Variants in TNFAIP1 observed in about 807,000 individuals in gnomAD.
TNFAIP1 encodes BTB/POZ domain-containing adapter for CUL3-mediated RhoA degradation protein 2.
A neutral mutation model predicts 32.6 loss-of-function variants in TNFAIP1; 20 were observed. The observed-to-expected ratio is 0.61, with a 90% confidence interval of 0.43 to 0.89. The LOEUF is 0.89. Ranked by LOEUF, TNFAIP1 falls within the 40% of genes least tolerant of loss-of-function variation. TNFAIP1 has a pLI of 0.00. For missense variants in TNFAIP1, 319 were observed against 425.1 expected, an observed-to-expected ratio of 0.75 and a Z score of 2.20; for synonymous variants, 166 against 166.8, an observed-to-expected ratio of 1.00 and a Z score of 0.04.
At chr17:28,339,065 T>A (rs1555577735) in intron 1 of TNFAIP1, among the ~76,000 whole-genome samples, 2 of 136,112 alleles carry the variant, frequency 1.5e-5, no homozygotes, top group African/African-American at 2.8e-5. Flanking sequence ...ACCCTGTCTC[T>A]ACCAAAAAAA....
Position 28,342,461 on chromosome 17 carries a change from G to C in TNFAIP1, c.714+19G>C, listed in dbSNP as rs1555578332. 6.4e-7 allele frequency: 1 copy of C among 1,567,376 alleles called. No homozygotes were observed. Among genetic ancestry groups the C allele is most frequent in the Non-Finnish European group, 8.7e-7 (1 of 1,143,808 alleles). On this transcript the variant is annotated intron_variant, in intron 6 of 6. Coordinates refer to ENST00000226225, the MANE Select transcript of TNFAIP1 (RefSeq NM_021137.5). The surrounding 1 kb of genome is among the most constrained non-coding windows in gnomAD (Gnocchi z 4.0). ...GACCAAGGTGTGGGGGATTGCCCCTGCCTGGGTAGGGGAGGACACACACCC... is the reference window on the plus strand; with the variant it reads ...GACCAAGGTGTGGGGGATTGCCCCTCCCTGGGTAGGGGAGGACACACACCC...
rs202020727 is a variant in TNFAIP1 at position 28,340,504 on chromosome 17, G to T, written c.375+26G>T. ...GTACATGGGTGGGGCGGAGCAGGGCGGGCAGATGAGGTCAGGAGTTGCCCC... is the reference window on the plus strand; with the variant it reads ...GTACATGGGTGGGGCGGAGCAGGGCTGGCAGATGAGGTCAGGAGTTGCCCC... On this transcript the variant is annotated intron_variant, in intron 3 of 6. Transcript: ENST00000226225. The surrounding 1 kb of genome is among the most constrained non-coding windows in gnomAD (Gnocchi z 4.1). 1 of 1,610,904 alleles carries T rather than the reference G, an allele frequency of 6.2e-7. No individual in the cohort carries two copies. The highest frequency in any genetic ancestry group is 8.5e-7 in the Non-Finnish European group (1 of 1,178,142).
Position 28,344,504 on chromosome 17 carries a change from C to CAAA in TNFAIP1, c.855_856insAAA (p.Thr285_Phe286insLys). The CAAA allele has an allele frequency of 6.2e-7, 1 of 1,614,012 alleles. No homozygotes were observed. Among genetic ancestry groups the CAAA allele is most frequent in the Non-Finnish European group, 8.5e-7 (1 of 1,180,040 alleles). ...CTTCCCCCAGTGAAGATGAGGAGAC[C>CAAA]TTTGAACTGCGGGACCGTGTCCGCC... On this transcript the variant is annotated inframe_insertion, in exon 7 of 7. Transcript: ENST00000226225.
Position 28,341,291 on chromosome 17 carries a change from A to G in TNFAIP1, c.430A>G (p.Lys144Glu), listed in dbSNP as rs782288971. The change falls in exon 4 of 7, where the codon AAG becomes GAG. Residue 144 changes from lysine (K) to glutamate (E), a missense_variant. By Grantham distance (56) the Lys-to-Glu change is moderately conservative. Transcript: ENST00000226225. ...CAACATCCCCATCATCACATCCCTA[A>G]AGGAGGAGGAGCGGCTCATCGAATC... The part of the protein sequence containing the change: ...VCNIPIITSL[K>E]EEERLIESST... 4 of 1,614,114 alleles carry G rather than the reference A, an allele frequency of 2.5e-6. No homozygotes were observed. Among genetic ancestry groups the G allele is most frequent in the East Asian group, 2.2e-5 (1 of 44,866 alleles).
chr17:28,337,099 C>T (rs1907199723), intron 1 of TNFAIP1, among the ~76,000 whole-genome samples: 1 of 152,188 alleles, frequency 6.6e-6, no homozygotes, highest in Non-Finnish European at 1.5e-5. Context: ...GTGGTCCAGG[C>T]TGCCATCATC....
intron 5 of TNFAIP1, among the ~76,000 whole-genome samples, chr17:28,341,984 C>T (rs1555578224): frequency 1.3e-5 from 2 of 152,228 alleles, no homozygotes; most frequent in Non-Finnish European, 2.9e-5. Context: ...GCCTTGTCTC[C>T]TTCCTTCCAG....
At chr17:28,337,087 A>G (rs534553588) in intron 1 of TNFAIP1, among the ~76,000 whole-genome samples, 6 of 152,216 alleles carry the variant, frequency 3.9e-5, no homozygotes, top group East Asian at 1.9e-4. Context: ...ATTATTACCA[A>G]TGTGGTCCAG....
At position 28,345,222 on chromosome 17, in the gene TNFAIP1, C is replaced by T. The variant is rs893207232; in HGVS notation, c.*622C>T. 1.8e-4 allele frequency: 28 copies of T among 153,732 alleles called. No homozygotes were observed. Among genetic ancestry groups the T allele is most frequent in the African/African-American group, 5.1e-4 (21 of 41,436 alleles). 9.5% of individuals were successfully genotyped at this position (153,732 alleles called of 1,614,324 possible). A position where few individuals can be genotyped will look rare whatever the true frequency, so the allele number is the denominator to read the frequency against. On this transcript the variant is annotated 3_prime_UTR_variant, in exon 7 of 7. Transcript: ENST00000226225. ...TGTTATTCAGGAGGTTGATAATCTC[C>T]TTGACCCATGTCTTTCTACCCTAAT... is the stretch of plus-strand genomic sequence containing the variant.
intron 1 of TNFAIP1, among the ~76,000 whole-genome samples, chr17:28,337,304 T>C (rs1213456843): frequency 1.3e-5 from 2 of 152,200 alleles, no homozygotes; most frequent in East Asian, 3.9e-4. Context: ...CCACCTTTGT[T>C]ATCATCTAAC....
At chr17:28,343,665 TTG>T (rs1285359677) in intron 6 of TNFAIP1, among the ~76,000 whole-genome samples, 1 of 151,932 alleles carries the variant, frequency 6.6e-6, no homozygotes, top group Non-Finnish European at 1.5e-5. Flanking sequence ...CTTAAGTGTG[TTG>T]TCTTTCATGA....
In TNFAIP1 at chr17:28,344,612, G is replaced by A; in HGVS notation, c.*12G>A. On this transcript the variant is annotated 3_prime_UTR_variant, in exon 7 of 7. Transcript: ENST00000226225. ...CCCATCGCGACTGACCAGACCCTCAGGGAGTCAGGGCACGGGAGGCCCTAT... is the reference window on the plus strand; with the variant it reads ...CCCATCGCGACTGACCAGACCCTCAAGGAGTCAGGGCACGGGAGGCCCTAT... 1 of 1,609,994 alleles carries A rather than the reference G, an allele frequency of 6.2e-7. No homozygotes were observed. Among genetic ancestry groups the A allele is most frequent in the Non-Finnish European group, 8.5e-7 (1 of 1,179,390 alleles).
chr17:28,346,110 G>A lies in TNFAIP1; in HGVS notation c.*1510G>A, dbSNP rs1907549412. The A allele has an allele frequency of 6.6e-6, 1 of 152,262 alleles. No individual in the cohort carries two copies. Among genetic ancestry groups the A allele is most frequent in the Admixed American group, 6.5e-5 (1 of 15,286 alleles). The allele number at this position is 152,262 out of a possible 1,614,324, so 9.4% of individuals were successfully genotyped here. A position where few individuals can be genotyped will look rare whatever the true frequency, so the allele number is the denominator to read the frequency against. Reference sequence around the variant, plus strand: ...CCACAGAGCCTATGGGCAAATGCCAGACCCAGGGTTAGACACAAGGACCTG... The same window carrying A: ...CCACAGAGCCTATGGGCAAATGCCAAACCCAGGGTTAGACACAAGGACCTG... On this transcript the variant is annotated 3_prime_UTR_variant, in exon 7 of 7. Coordinates refer to ENST00000226225, the MANE Select transcript of TNFAIP1 (RefSeq NM_021137.5).
intron 3 of TNFAIP1, among the ~76,000 whole-genome samples, chr17:28,341,035 G>A (rs970283814): frequency 1.1e-4 from 17 of 152,242 alleles, no homozygotes; most frequent in South Asian, 6.2e-4. Flanking sequence ...GTGAGCTACC[G>A]CACCCGGCCT....
chr17:28,337,324 C>T (rs1555577560), intron 1 of TNFAIP1, among the ~76,000 whole-genome samples: 1 of 152,152 alleles, frequency 6.6e-6, no homozygotes, highest in Non-Finnish European at 1.5e-5. Context: ...CGCCTGCCTT[C>T]CCTGACTTGA....
Position 28,344,842 on chromosome 17 carries a change from C to G in TNFAIP1, c.*242C>G. On this transcript the variant is annotated 3_prime_UTR_variant, in exon 7 of 7. Coordinates refer to ENST00000226225, the MANE Select transcript of TNFAIP1 (RefSeq NM_021137.5). Reference sequence around the variant, plus strand: ...GCTCACCATCACCCTTCCTGCCCGACGGAGCTGCTTCTGCTCCCTGGGGCA... The same window carrying G: ...GCTCACCATCACCCTTCCTGCCCGAGGGAGCTGCTTCTGCTCCCTGGGGCA... 1.8e-6 allele frequency: 1 copy of G among 555,748 alleles called. No homozygotes were observed. The highest frequency in any genetic ancestry group is 3.1e-5 in the Admixed American group (1 of 32,428). 34.4% of individuals were successfully genotyped at this position (555,748 alleles called of 1,614,324 possible). A position where few individuals can be genotyped will look rare whatever the true frequency, so the allele number is the denominator to read the frequency against.
intron 5 of TNFAIP1, among the ~76,000 whole-genome samples, chr17:28,341,681 G>A (rs559336945): frequency 1.2e-4 from 18 of 152,356 alleles, no homozygotes; most frequent in African/African-American, 4.1e-4. Flanking sequence ...CGCCCTCAAC[G>A]TGTATCACGA....
At position 28,339,652 on chromosome 17, in the gene TNFAIP1, G is replaced by A. The variant is rs369478186; in HGVS notation, c.131G>A (p.Arg44Gln). ...VGGSLYYTTV[R>Q]ALTRHDTMLK... ...GGCTCTCTGTACTACACCACTGTGC[G>A]GGCCCTGACCCGCCACGACACCATG... Residue 44 changes from arginine (R) to glutamine (Q), a missense_variant, in exon 2 of 7, where the codon CGG (arginine) becomes CAG (glutamine). Coordinates refer to ENST00000226225, the MANE Select transcript of TNFAIP1 (RefSeq NM_021137.5). 1.5e-5 allele frequency: 25 copies of A among 1,613,490 alleles called. No individual in the cohort carries two copies. Among genetic ancestry groups the A allele is most frequent in the African/African-American group, 4.0e-5 (3 of 74,918 alleles).
At chr17:28,344,300 C>T in intron 6 of TNFAIP1, 64 bp from the exon 7 acceptor site, 21 of 1,469,710 alleles carry the variant, frequency 1.4e-5, no homozygotes, top group Non-Finnish European at 2.0e-5. Context: ...GGGCCAGCCG[C>T]TCTGACGCAT....
chr17:28,338,217 C>T (rs2142381710), intron 1 of TNFAIP1, among the ~76,000 whole-genome samples: 1 of 152,294 alleles, frequency 6.6e-6, no homozygotes, highest in Non-Finnish European at 1.5e-5. Flanking sequence ...GAGATCCTCC[C>T]ACCTCGGCCT....
Sources: allele counts gnomAD v4.1 joint callset (sites outside exome capture counted in the v4.1 genomes callset), GRCh38; gene constraint gnomAD v4.1.1; non-coding constraint Gnocchi (gnomAD v3.1); transcripts MANE v1.5; gene names NCBI Gene and HGNC (gene_info 2026-07-23, HGNC 2026-07-21).